The following ARHGAP26 variants were observed in gnomAD, a reference collection of about 807,000 sequenced individuals.
ARHGAP26 encodes rho GTPase-activating protein 26.
Under a neutral mutation model 104.8 loss-of-function variants are expected in ARHGAP26, and 38 were observed. The ratio of observed to expected loss-of-function variants is 0.36; its 90% CI spans 0.28 to 0.48. The LOEUF (loss-of-function observed/expected upper bound fraction) is 0.48, where lower values mean the gene tolerates loss of function less well. ARHGAP26 is among the 20% of genes least tolerant of loss of function. The pLI, the probability that ARHGAP26 is intolerant of heterozygous loss-of-function variation, is 0.99. For missense variants in ARHGAP26, 704 were observed against 947.9 expected, an observed-to-expected ratio of 0.74 and a Z score of 3.38; for synonymous variants, 341 against 340.0, an observed-to-expected ratio of 1.00 and a Z score of -0.03.
At chr5:143,000,730 A>T (rs1489872917) in intron 11 of ARHGAP26, among the ~76,000 whole-genome samples, 1 of 152,206 alleles carries the variant, frequency 6.6e-6, no homozygotes, top group East Asian at 1.9e-4. Flanking sequence ...CTTTGCAGGG[A>T]CATGGATAAA....
intron 17 of ARHGAP26, among the ~76,000 whole-genome samples, chr5:143,102,922 T>C (rs1793463135): frequency 6.6e-6 from 1 of 152,192 alleles, no homozygotes; most frequent in African/African-American, 2.4e-5. Flanking sequence ...ATTTTTGGTC[T>C]CTGTGGTAGC....
At chr5:142,984,307 A>G (rs1449860711) in intron 11 of ARHGAP26, among the ~76,000 whole-genome samples, 1 of 152,178 alleles carries the variant, frequency 6.6e-6, no homozygotes, top group Non-Finnish European at 1.5e-5. Context: ...GCTGGGTAAA[A>G]TCTTGCTCCC....
intron 1 of ARHGAP26, among the ~76,000 whole-genome samples, chr5:142,837,706 G>A (rs1769867752): frequency 6.6e-6 from 1 of 152,150 alleles, no homozygotes; most frequent in Non-Finnish European, 1.5e-5. Flanking sequence ...GATTCTTCTT[G>A]TTCCTTTTTG....
chr5:142,928,118 T>C (rs1282128423), intron 10 of ARHGAP26, among the ~76,000 whole-genome samples: 1 of 152,168 alleles, frequency 6.6e-6, no homozygotes, highest in Non-Finnish European at 1.5e-5. Flanking sequence ...ATTTTTTAAA[T>C]AAAAGTAATT....
At chr5:143,168,419 T>A (rs895866176) in intron 20 of ARHGAP26, 3 of 139,772 alleles carry the variant, frequency 2.1e-5, no homozygotes, top group Non-Finnish European at 3.1e-5. Flanking sequence ...TGCTTCATAG[T>A]CAAATAGACC....
intron 1 of ARHGAP26, among the ~76,000 whole-genome samples, chr5:142,798,893 T>C (rs1470807712): frequency 6.6e-6 from 1 of 152,208 alleles, no homozygotes; most frequent in African/African-American, 2.4e-5. Flanking sequence ...GCAGCTCTCA[T>C]TGCAGCATGG....
chr5:142,786,167 C>T (rs1159501154), intron 1 of ARHGAP26, among the ~76,000 whole-genome samples: 3 of 148,488 alleles, frequency 2.0e-5, no homozygotes, highest in East Asian at 2.0e-4. Context: ...TTTTTTGTAG[C>T]GATGGGGGTC....
At chr5:142,814,972 A>G (rs1281344470) in intron 1 of ARHGAP26, among the ~76,000 whole-genome samples, 13 of 152,224 alleles carry the variant, frequency 8.5e-5, no homozygotes. Context: ...ACTCAGGGAT[A>G]GAGCAACATC....
At chr5:143,161,004 ATTTTTTTTT>A (rs11361288) in intron 20 of ARHGAP26, among the ~76,000 whole-genome samples, 78 of 93,544 alleles carry the variant, frequency 8.3e-4, no homozygotes, top group Non-Finnish European at 2.5e-4. Flanking sequence ...GCTATTTCAG[ATTTTTTTTT>A]TTTTTTTTTT....
chr5:143,177,204 A>G (rs149752843), intron 20 of ARHGAP26, among the ~76,000 whole-genome samples: 78 of 152,298 alleles, frequency 5.1e-4, no homozygotes, highest in African/African-American at 1.7e-3. Flanking sequence ...ACTTCATCAT[A>G]TTAGTTTCCC....
chr5:143,209,067 A>G (rs1809030527), intron 21 of ARHGAP26, among the ~76,000 whole-genome samples: 1 of 152,216 alleles, frequency 6.6e-6, no homozygotes, highest in Non-Finnish European at 1.5e-5. Flanking sequence ...GGGCTTTAGG[A>G]AAATGTAATT....
intron 2 of ARHGAP26, 38 bp downstream of exon 2, chr5:142,873,533 G>T: frequency 7.2e-7 from 1 of 1,386,440 alleles, no homozygotes; most frequent in East Asian, 2.5e-5. Flanking sequence ...AATGTTCATT[G>T]TTTGTCATAG....
intron 11 of ARHGAP26, among the ~76,000 whole-genome samples, chr5:142,945,588 A>ATT (rs1766985389): frequency 6.6e-6 from 1 of 152,136 alleles, no homozygotes; most frequent in Non-Finnish European, 1.5e-5. Flanking sequence ...GGAAGATGAT[A>ATT]TTTTGGCAAG....
At chr5:142,839,986 C>T (rs769009480) in intron 1 of ARHGAP26, among the ~76,000 whole-genome samples, 16 of 152,060 alleles carry the variant, frequency 1.1e-4, no homozygotes, top group Non-Finnish European at 2.2e-4. Flanking sequence ...TTGGTTGAGG[C>T]AGTTGCAGTG....
At chr5:142,873,771 G>A (rs996506527) in intron 2 of ARHGAP26, among the ~76,000 whole-genome samples, 4 of 151,974 alleles carry the variant, frequency 2.6e-5, no homozygotes, top group Non-Finnish European at 2.9e-5. Context: ...GTATTTTTCC[G>A]GCTGGTGACA....
chr5:143,051,368 A>C (rs941749188), intron 14 of ARHGAP26, among the ~76,000 whole-genome samples: 2 of 152,352 alleles, frequency 1.3e-5, no homozygotes, highest in Middle Eastern at 3.4e-3. Context: ...AATAACATTC[A>C]TTCTGCTTTC....
At chr5:142,968,714 C>G (rs1247605356) in intron 11 of ARHGAP26, among the ~76,000 whole-genome samples, 1 of 152,042 alleles carries the variant, frequency 6.6e-6, no homozygotes. Flanking sequence ...TTCACATGTT[C>G]TTTTGCTTTT....
At chr5:143,048,874 T>C (rs1232437854) in intron 14 of ARHGAP26, among the ~76,000 whole-genome samples, 2 of 148,746 alleles carry the variant, frequency 1.3e-5, no homozygotes, top group African/African-American at 5.0e-5. Flanking sequence ...AGTCGTGCCA[T>C]TGCACTCCAG....
At chr5:143,026,686 T>A (rs935515332) in intron 12 of ARHGAP26, among the ~76,000 whole-genome samples, 1 of 152,008 alleles carries the variant, frequency 6.6e-6, no homozygotes, top group Non-Finnish European at 1.5e-5. Flanking sequence ...TAAGACTGCA[T>A]TCTTAGTGTG....
Sources: allele counts gnomAD v4.1 joint callset (sites outside exome capture counted in the v4.1 genomes callset), GRCh38; gene constraint gnomAD v4.1.1; transcripts MANE v1.5; gene names NCBI Gene and HGNC (gene_info 2026-07-23, HGNC 2026-07-21).